SPEF2: variants seen among roughly 807,000 people sequenced by gnomAD.
SPEF2 encodes sperm flagella and cilia-associated protein 2.
A neutral mutation model predicts 224.6 loss-of-function variants in SPEF2; 187 were observed. The observed-to-expected ratio is 0.83, with a 90% CI of 0.74 to 0.94. The LOEUF (loss-of-function observed/expected upper bound fraction) is 0.94. Among genes scored for constraint, SPEF2 ranks in the 40% least tolerant of loss-of-function variants. The probability of loss-of-function intolerance (pLI) is 0.00; values close to 1 mark genes in which losing one functional copy is unlikely to be tolerated. For synonymous variants in SPEF2, 715 were observed against 707.3 expected, an observed-to-expected ratio of 1.01 and a Z score of -0.17; for missense variants, 2,170 against 2,135.6, an observed-to-expected ratio of 1.02 and a Z score of -0.32.
At chr5:35,717,204 T>C (rs1399083308) in intron 20 of SPEF2, among the ~76,000 whole-genome samples, 1 of 152,106 alleles carries the variant, frequency 6.6e-6, no homozygotes, top group Non-Finnish European at 1.5e-5. Flanking sequence ...TTTTTTTTTC[T>C]ATAACAATGT....
chr5:35,705,986 G>T (rs934144288), intron 18 of SPEF2, among the ~76,000 whole-genome samples, 178 bp downstream of exon 18: 28 of 81,726 alleles, frequency 3.4e-4, no homozygotes, highest in African/African-American at 1.6e-3. Context: ...CCGAATAAAA[G>T]ATTTTTTCTC....
At chr5:35,676,730 AAAG>A (rs1752079825) in intron 10 of SPEF2, among the ~76,000 whole-genome samples, 1 of 151,696 alleles carries the variant, frequency 6.6e-6, no homozygotes, top group South Asian at 2.1e-4. Context: ...CTCTGACTCA[AAAG>A]AAAAAAAAAA....
chr5:35,707,589 T>C (rs1184439290), intron 18 of SPEF2, among the ~76,000 whole-genome samples: 1 of 151,996 alleles, frequency 6.6e-6, no homozygotes, highest in South Asian at 2.1e-4. Context: ...GTACATTGAG[T>C]AGAGCTGTGG....
intron 7 of SPEF2, among the ~76,000 whole-genome samples, chr5:35,655,698 A>G (rs927279387): frequency 5.3e-5 from 8 of 152,220 alleles, no homozygotes; most frequent in African/African-American, 1.9e-4. Context: ...AGACAAGGGA[A>G]TATCACATGG....
intron 8 of SPEF2, among the ~76,000 whole-genome samples, chr5:35,661,473 T>A (rs1749743672): frequency 6.6e-6 from 1 of 151,468 alleles, no homozygotes; most frequent in Admixed American, 6.6e-5. Flanking sequence ...GTTTGTTACA[T>A]AGGTAAATGT....
intron 6 of SPEF2, among the ~76,000 whole-genome samples, chr5:35,650,435 T>C (rs1748021066): frequency 6.6e-6 from 1 of 152,172 alleles, no homozygotes; most frequent in African/African-American, 2.4e-5. Flanking sequence ...ACACCTACCC[T>C]GACCTTGGCC....
intron 10 of SPEF2, among the ~76,000 whole-genome samples, chr5:35,680,921 A>G (rs1051903918): frequency 2.0e-5 from 3 of 152,148 alleles, no homozygotes; most frequent in African/African-American, 7.2e-5. Context: ...CTCTGAAGAT[A>G]TCAATCTTGG....
At chr5:35,785,155 T>C (rs1754919408) in intron 30 of SPEF2, among the ~76,000 whole-genome samples, 2 of 152,362 alleles carry the variant, frequency 1.3e-5, no homozygotes, top group South Asian at 4.1e-4. Context: ...GACAGAATTA[T>C]CACAGCAAGT....
At chr5:35,784,505 G>C (rs932765348) in intron 30 of SPEF2, among the ~76,000 whole-genome samples, 3 of 152,212 alleles carry the variant, frequency 2.0e-5, no homozygotes, top group African/African-American at 4.8e-5. Context: ...GGTTAAGCTA[G>C]ATCATTCAGC....
intron 20 of SPEF2, among the ~76,000 whole-genome samples, chr5:35,722,882 G>A (rs1743992550): frequency 2.0e-5 from 3 of 151,920 alleles, no homozygotes; most frequent in Admixed American, 6.6e-5. Flanking sequence ...TGCTTCTCAA[G>A]TCCCATGTTG....
chr5:35,786,726 C>T (rs1755197762), intron 30 of SPEF2, among the ~76,000 whole-genome samples: 1 of 151,952 alleles, frequency 6.6e-6, no homozygotes, highest in African/African-American at 2.4e-5. Flanking sequence ...AGAGGCAGGT[C>T]AACTAATGTC....
At chr5:35,733,208 A>G (rs568558197) in intron 21 of SPEF2, among the ~76,000 whole-genome samples, 5 of 151,868 alleles carry the variant, frequency 3.3e-5, no homozygotes, top group Admixed American at 6.6e-5. Flanking sequence ...ACCGCCTCCC[A>G]GGTTCATGCC....
chr5:35,808,527 G>T (rs1029853489), intron 36 of SPEF2, among the ~76,000 whole-genome samples: 2 of 151,872 alleles, frequency 1.3e-5, no homozygotes, highest in Non-Finnish European at 2.9e-5. Context: ...GCGATAGTTT[G>T]CTGAGAATGA....
chr5:35,763,790 C>A, intron 26 of SPEF2, 88 bp downstream of exon 26: 2 of 1,282,646 alleles, frequency 1.6e-6, no homozygotes, highest in Non-Finnish European at 2.1e-6. Context: ...AAAATTGACA[C>A]AATGCTCTCA....
intron 23 of SPEF2, among the ~76,000 whole-genome samples, chr5:35,745,526 G>A (rs906380382): frequency 6.8e-6 from 1 of 146,114 alleles, no homozygotes; most frequent in Non-Finnish European, 1.5e-5. Context: ...TGGGAGCTGC[G>A]TGAGGCTGTG....
chr5:35,619,738 A>G (rs1212118004), intron 1 of SPEF2, among the ~76,000 whole-genome samples: 1 of 152,196 alleles, frequency 6.6e-6, no homozygotes, highest in Non-Finnish European at 1.5e-5. Context: ...TGAAGTCCCC[A>G]GGACTCTATT....
chr5:35,647,074 T>C (rs1001544042), intron 5 of SPEF2, among the ~76,000 whole-genome samples: 2 of 152,212 alleles, frequency 1.3e-5, no homozygotes, highest in Non-Finnish European at 2.9e-5. Context: ...TGAAAAAGAT[T>C]CTGTGGTCAA....
At chr5:35,721,873 G>C (rs1048440145) in intron 20 of SPEF2, among the ~76,000 whole-genome samples, 1 of 152,128 alleles carries the variant, frequency 6.6e-6, no homozygotes, top group Non-Finnish European at 1.5e-5. Context: ...TTGCCAAGTG[G>C]TTATGCCCCT....
chr5:35,731,341 T>C (rs61426778), intron 21 of SPEF2, among the ~76,000 whole-genome samples: 1,943 of 152,312 alleles, frequency 0.013, 38 homozygotes, highest in African/African-American at 0.044. Context: ...TTAAGAAATA[T>C]TTTTATAACT....
Sources: gnomAD v4.1 joint callset for allele counts (sites outside exome capture counted in the v4.1 genomes callset) on GRCh38, gnomAD v4.1.1 for gene constraint, MANE v1.5 for transcripts, NCBI Gene and HGNC (gene_info 2026-07-23, HGNC 2026-07-21) for gene names.